Variants in SEMA3A observed in about 807,000 individuals in gnomAD.
SEMA3A encodes semaphorin-3A.
A neutral mutation model predicts 97.9 loss-of-function variants in SEMA3A; 29 were observed. That is an observed-to-expected ratio of 0.30 (90% CI 0.22 to 0.40). The LOEUF (loss-of-function observed/expected upper bound fraction) is 0.40. SEMA3A is among the 10% of genes least tolerant of loss of function. The pLI, the probability that SEMA3A is intolerant of heterozygous loss-of-function variation, is 1.00. For missense variants in SEMA3A, 763 were observed against 951.3 expected (o/e 0.80, Z 2.60); for synonymous variants, 321 against 323.7 (o/e 0.99, Z 0.09).
At chr7:84,340,905 G>C (rs1802151179) in intron 2 of SEMA3A, among the ~76,000 whole-genome samples, 1 of 151,420 alleles carries the variant, frequency 6.6e-6, no homozygotes. Flanking sequence ...TATATTTTTG[G>C]AGAAAATATT....
chr7:84,399,372 TC>T (rs1179478315), intron 1 of SEMA3A, among the ~76,000 whole-genome samples: 1 of 152,126 alleles, frequency 6.6e-6, no homozygotes, highest in African/African-American at 2.4e-5. Context: ...CTGACTGCAG[TC>T]CTTGAATGAG....
chr7:84,417,672 TA>T (rs1339478704), intron 1 of SEMA3A, among the ~76,000 whole-genome samples: 4 of 152,122 alleles, frequency 2.6e-5, no homozygotes, highest in Non-Finnish European at 5.9e-5. Context: ...TTTTATTATA[TA>T]TTGCTGTTAA....
At chr7:84,384,159 G>C (rs1183151549) in intron 1 of SEMA3A, among the ~76,000 whole-genome samples, 1 of 152,116 alleles carries the variant, frequency 6.6e-6, no homozygotes. Context: ...GAAGATATTA[G>C]AGCAGGGATC....
At chr7:84,479,659 T>C (rs978489419) in intron 1 of SEMA3A, among the ~76,000 whole-genome samples, 3 of 152,128 alleles carry the variant, frequency 2.0e-5, no homozygotes, top group African/African-American at 7.2e-5. Flanking sequence ...ATATTTAAAA[T>C]AAACCTTAAA....
chr7:84,171,360 A>C (rs1797376602), intron 1 of SEMA3A, among the ~76,000 whole-genome samples: 1 of 152,120 alleles, frequency 6.6e-6, no homozygotes, highest in South Asian at 2.1e-4. Context: ...AAAGATTTGC[A>C]CTTCTTCACT....
chr7:84,007,333 T>TAAAC lies in SEMA3A; in HGVS notation c.1140+16_1140+19dup. On this transcript the variant is annotated intron_variant, in intron 10 of 16. Coordinates refer to ENST00000265362, the MANE Select transcript of SEMA3A (RefSeq NM_006080.3). ...GCAGAAATATATTCATTTCATATTTTAAACACCTAAGCTACTTACAGTTCC... is the reference window on the plus strand; with the variant it reads ...GCAGAAATATATTCATTTCATATTTTAAACAAACACCTAAGCTACTTACAGTTCC... 6.4e-7 allele frequency: 1 copy of TAAAC among 1,568,182 alleles called. No homozygotes were observed. The highest frequency in any genetic ancestry group is 8.6e-7 in the Non-Finnish European group (1 of 1,157,788).
intron 2 of SEMA3A, among the ~76,000 whole-genome samples, chr7:84,366,754 C>T (rs1373034765): frequency 1.3e-5 from 2 of 151,246 alleles, no homozygotes; most frequent in Non-Finnish European, 3.0e-5. Context: ...CCTTTCTGTG[C>T]AACAAAAATC....
At chr7:84,449,305 G>T (rs1389661545) in intron 1 of SEMA3A, among the ~76,000 whole-genome samples, 3 of 152,074 alleles carry the variant, frequency 2.0e-5, no homozygotes, top group African/African-American at 7.2e-5. Context: ...TATCCAAGCA[G>T]CCATCTTTAG....
At chr7:84,210,214 C>T (rs929482653) in intron 3 of SEMA3A, among the ~76,000 whole-genome samples, 1 of 151,834 alleles carries the variant, frequency 6.6e-6, no homozygotes, top group Non-Finnish European at 1.5e-5. Flanking sequence ...TGAGGAGGTC[C>T]CAATCTAATG....
In SEMA3A at chr7:83,956,551, TAA is replaced by T. The variant is rs1788284119; in HGVS notation, c.*4818_*4819del. On this transcript the variant is annotated 3_prime_UTR_variant, in exon 17 of 17. Coordinates refer to ENST00000265362, the MANE Select transcript of SEMA3A (RefSeq NM_006080.3). Reference sequence around the variant, plus strand: ...ATGAGGTGAACATTAAGAAGGAAGGTAAAGAGATTGTGGGGTGGAAGTGTAGG... The same window carrying T: ...ATGAGGTGAACATTAAGAAGGAAGGTAGAGATTGTGGGGTGGAAGTGTAGG... 2.0e-5 allele frequency: 3 copies of T among 152,064 alleles called. No homozygotes were observed. Among genetic ancestry groups the T allele is most frequent in the Admixed American group, 2.0e-4 (3 of 15,230 alleles). 9.4% of individuals were successfully genotyped at this position (152,064 alleles called of 1,614,324 possible). A position where few individuals can be genotyped will look rare whatever the true frequency, so the allele number is the denominator to read the frequency against.
At chr7:84,333,761 A>G (rs1163917784) in intron 2 of SEMA3A, among the ~76,000 whole-genome samples, 3 of 152,202 alleles carry the variant, frequency 2.0e-5, no homozygotes, top group Admixed American at 6.6e-5. Context: ...TATCCAAGAC[A>G]TATGCTATAC....
chr7:84,335,383 T>C (rs1220024881), intron 2 of SEMA3A, among the ~76,000 whole-genome samples: 1 of 152,196 alleles, frequency 6.6e-6, no homozygotes, highest in South Asian at 2.1e-4. Context: ...ATAAAAAATA[T>C]ATTTTTACAT....
intron 6 of SEMA3A, among the ~76,000 whole-genome samples, chr7:84,024,638 A>G (rs1791481979): frequency 6.6e-6 from 1 of 152,166 alleles, no homozygotes; most frequent in African/African-American, 2.4e-5. Flanking sequence ...ATCTTTGAGG[A>G]GTGTTGGGAG....
chr7:84,012,479 G>T (rs1447236097), intron 7 of SEMA3A, among the ~76,000 whole-genome samples: 1 of 152,050 alleles, frequency 6.6e-6, no homozygotes, highest in Non-Finnish European at 1.5e-5. Flanking sequence ...AACCTACATA[G>T]GCTTGTTCAC....
At chr7:84,396,803 A>T (rs1020962238) in intron 1 of SEMA3A, among the ~76,000 whole-genome samples, 1 of 151,958 alleles carries the variant, frequency 6.6e-6, no homozygotes, top group Non-Finnish European at 1.5e-5. Flanking sequence ...ATCTCAAAAA[A>T]ATCACCTAGG....
At chr7:84,413,567 G>A (rs1402611890) in intron 1 of SEMA3A, among the ~76,000 whole-genome samples, 2 of 152,170 alleles carry the variant, frequency 1.3e-5, no homozygotes, top group Non-Finnish European at 2.9e-5. Context: ...AATCGAGGCT[G>A]TGGTGAGCTG....
intron 6 of SEMA3A, among the ~76,000 whole-genome samples, chr7:84,036,466 G>T (rs1293603018): frequency 6.6e-6 from 1 of 152,090 alleles, no homozygotes; most frequent in Non-Finnish European, 1.5e-5. Context: ...TATTATCAGT[G>T]ATTCTGGGAG....
At chr7:84,368,581 A>G (rs1478158762) in intron 2 of SEMA3A, among the ~76,000 whole-genome samples, 1 of 151,012 alleles carries the variant, frequency 6.6e-6, no homozygotes, top group Non-Finnish European at 1.5e-5. Context: ...ATATAAACAT[A>G]CTGGCCATAT....
At chr7:84,009,648 G>A (rs923989515) in intron 9 of SEMA3A, among the ~76,000 whole-genome samples, 3 of 151,916 alleles carry the variant, frequency 2.0e-5, no homozygotes, top group Non-Finnish European at 4.4e-5. Flanking sequence ...AACAACCCCA[G>A]GTAATGTGAA....
Sources: gnomAD v4.1 joint callset for allele counts (sites outside exome capture counted in the v4.1 genomes callset) on GRCh38, gnomAD v4.1.1 for gene constraint, MANE v1.5 for transcripts, NCBI Gene and HGNC (gene_info 2026-07-23, HGNC 2026-07-21) for gene names.